The following CNNM2 variants were observed in gnomAD, a reference collection of about 807,000 sequenced individuals.
CNNM2 encodes the protein cyclin and CBS domain divalent metal cation transport mediator 2.
CNNM2 carries 12 observed loss-of-function variants against 66.9 expected under a neutral mutation model. The observed-to-expected ratio is 0.18, with a 90% CI of 0.11 to 0.29. CNNM2 has a LOEUF of 0.29. CNNM2 is among the 10% of genes least tolerant of loss of function. The probability of loss-of-function intolerance (pLI) is 1.00; values close to 1 mark genes in which losing one functional copy is unlikely to be tolerated. For synonymous variants in CNNM2, 557 were observed against 501.8 expected, an observed-to-expected ratio of 1.11 and a Z score of -1.47; for missense variants, 705 against 1,167.7, an observed-to-expected ratio of 0.60 and a Z score of 5.77.
Position 102,919,854 on chromosome 10 carries a change from G to C in CNNM2, c.1374G>C (p.Met458Ile). Reference protein sequence around the residue: ...DVMTPLRDCFMITGEAILDFN... With the variant: ...DVMTPLRDCFIITGEAILDFN... Reference sequence around the variant, plus strand: ...TGACCCCACTCCGGGACTGCTTCATGATCACCGGCGAAGCCATCCTGGACT... The same window carrying C: ...TGACCCCACTCCGGGACTGCTTCATCATCACCGGCGAAGCCATCCTGGACT... Residue 458 changes from methionine to isoleucine, a missense_variant, in exon 1 of 8, where the codon ATG becomes ATC. Physicochemically the swap from Met to Ile is conservative, Grantham distance 10. Transcript: ENST00000369878. 6.2e-7 allele frequency: 1 copy of C among 1,614,206 alleles called. No homozygotes were observed. Among genetic ancestry groups the C allele is most frequent in the Non-Finnish European group, 8.5e-7 (1 of 1,180,044 alleles).
At chr10:102,964,840 G>A (rs1327405944) in intron 1 of CNNM2, among the ~76,000 whole-genome samples, 1 of 152,216 alleles carries the variant, frequency 6.6e-6, no homozygotes, top group Non-Finnish European at 1.5e-5. Flanking sequence ...AAACTTAATG[G>A]CTAACGTGAT....
Position 103,077,288 on chromosome 10 carries a change from G to A in CNNM2, c.*108G>A. 4.1e-6 allele frequency: 4 copies of A among 975,146 alleles called. No individual in the cohort carries two copies. In the South Asian group the frequency reaches 6.2e-5, roughly 15 times the overall value. The allele number at this position is 975,146 out of a possible 1,614,324, so 60.4% of individuals were successfully genotyped here. A position where few individuals can be genotyped will look rare whatever the true frequency, so the allele number is the denominator to read the frequency against. On this transcript the variant is annotated 3_prime_UTR_variant, in exon 8 of 8. Transcript: ENST00000369878. ...GAGCTTGTCCGCCATGCTGTACCCT[G>A]CAACATCCTGAGACCAAAGACCTTG...
intron 1 of CNNM2, among the ~76,000 whole-genome samples, chr10:102,958,477 T>G (rs1208885278): frequency 3.9e-5 from 5 of 128,724 alleles, no homozygotes; most frequent in East Asian, 2.2e-4. Flanking sequence ...TTTTTTTTTT[T>G]TTTTTTTTTT....
At position 102,924,787 on chromosome 10, in the gene CNNM2, G is replaced by A. The variant is rs78821730; in HGVS notation, c.1621+4686G>A. Among the ~76,000 whole-genome samples the A allele has an allele frequency of 0.095, 14,374 of 151,984 alleles. 878 individuals carry two copies. Among genetic ancestry groups the A allele is most frequent in the East Asian group, 0.28 (1,435 of 5,168 alleles). On this transcript the variant is annotated intron_variant, in intron 1 of 7. Coordinates refer to ENST00000369878, the MANE Select transcript of CNNM2 (RefSeq NM_017649.5). Reference sequence around the variant, plus strand: ...GCCTGGCCAGAAGATGTTTTTATTAGTGTTTAAAGGTATGAATGGTGTCAC... The same window carrying A: ...GCCTGGCCAGAAGATGTTTTTATTAATGTTTAAAGGTATGAATGGTGTCAC...
intron 1 of CNNM2, among the ~76,000 whole-genome samples, chr10:102,985,606 A>G (rs1242295874): frequency 1.3e-5 from 2 of 152,178 alleles, no homozygotes; most frequent in Non-Finnish European, 2.9e-5. Flanking sequence ...CTTTCTAGCC[A>G]TCAAGTCTCC....
At chr10:103,067,747 C>G (rs1191790243) in intron 4 of CNNM2, among the ~76,000 whole-genome samples, 1 of 152,068 alleles carries the variant, frequency 6.6e-6, no homozygotes, top group Non-Finnish European at 1.5e-5. Context: ...AAGAACTCAT[C>G]AAGGTAAAGA....
intron 6 of CNNM2, among the ~76,000 whole-genome samples, chr10:103,074,971 C>A (rs914382411): frequency 6.6e-6 from 1 of 152,138 alleles, no homozygotes; most frequent in Non-Finnish European, 1.5e-5. Flanking sequence ...AGAGAAGAGA[C>A]TTAAGGAGAC....
Position 103,054,418 on chromosome 10 carries a change from A to G in CNNM2, c.1855A>G (p.Lys619Glu), listed in dbSNP as rs746718154. Reference protein sequence around the residue: ...FKQTDSEMKVKISPQLLLAMH... With the variant: ...FKQTDSEMKVEISPQLLLAMH... Reference sequence around the variant, plus strand: ...GCAGACAGACAGTGAGATGAAGGTTAAAATATCACCACAGCTCCTCCTGGC... The same window carrying G: ...GCAGACAGACAGTGAGATGAAGGTTGAAATATCACCACAGCTCCTCCTGGC... Residue 619 changes from lysine (K) to glutamate (E), a missense_variant, in exon 3 of 8, where the codon AAA becomes GAA. Transcript: ENST00000369878. The surrounding 1 kb of genome is among the most constrained non-coding windows in gnomAD (Gnocchi z 5.2). 1.2e-6 allele frequency: 2 copies of G among 1,613,900 alleles called. No homozygotes were observed. Among genetic ancestry groups the G allele is most frequent in the Non-Finnish European group, 1.7e-6 (2 of 1,179,864 alleles).
At chr10:103,044,028 G>A (rs1173587379) in intron 1 of CNNM2, among the ~76,000 whole-genome samples, 1 of 152,120 alleles carries the variant, frequency 6.6e-6, no homozygotes, top group Non-Finnish European at 1.5e-5. Flanking sequence ...TGCTTTATTT[G>A]ATCTATATGC....
intron 1 of CNNM2, among the ~76,000 whole-genome samples, chr10:102,974,591 A>T (rs1331959800): frequency 6.6e-6 from 1 of 151,336 alleles, no homozygotes; most frequent in African/African-American, 2.4e-5. Context: ...TTTTTTTTTG[A>T]GACAGGGTCT....
intron 1 of CNNM2, chr10:102,927,510 G>A (rs1223814082): frequency 1.2e-5 from 18 of 1,538,832 alleles, no homozygotes; most frequent in East Asian, 2.3e-5. Flanking sequence ...CTGTAATCCC[G>A]GCACTTTGGG....
At chr10:103,006,927 T>C (rs558722286) in intron 1 of CNNM2, among the ~76,000 whole-genome samples, 15 of 152,208 alleles carry the variant, frequency 9.9e-5, no homozygotes, top group Non-Finnish European at 1.9e-4. Context: ...CCTCCACCCC[T>C]GGCCCATTTA....
chr10:102,934,109 A>G (rs959726165), intron 1 of CNNM2, among the ~76,000 whole-genome samples: 1 of 149,862 alleles, frequency 6.7e-6, no homozygotes, highest in African/African-American at 2.5e-5. Context: ...CTCCCAAAAC[A>G]CTGGGATTAC....
chr10:103,038,398 G>A (rs1266813121), intron 1 of CNNM2, among the ~76,000 whole-genome samples: 1 of 152,200 alleles, frequency 6.6e-6, no homozygotes, highest in African/African-American at 2.4e-5. Context: ...CACTAATGGA[G>A]AGGACTTGTC....
chr10:102,969,284 A>C (rs2063513952), intron 1 of CNNM2, among the ~76,000 whole-genome samples: 1 of 151,314 alleles, frequency 6.6e-6, no homozygotes, highest in Admixed American at 6.6e-5. Flanking sequence ...GGCAATCTCA[A>C]CTCACTGAAA....
At chr10:103,027,772 T>G (rs1017151783) in intron 1 of CNNM2, among the ~76,000 whole-genome samples, 1 of 152,204 alleles carries the variant, frequency 6.6e-6, no homozygotes, top group Non-Finnish European at 1.5e-5. Context: ...CATGAGAAAG[T>G]TCATCAGTAA....
At chr10:102,968,542 G>A (rs1332592201) in intron 1 of CNNM2, among the ~76,000 whole-genome samples, 1 of 151,506 alleles carries the variant, frequency 6.6e-6, no homozygotes, top group Admixed American at 6.6e-5. Context: ...ACCCAACCTG[G>A]TTATTTTCCA....
intron 1 of CNNM2, among the ~76,000 whole-genome samples, chr10:102,933,567 A>G (rs1846131834): frequency 1.3e-5 from 2 of 152,156 alleles, no homozygotes; most frequent in Non-Finnish European, 2.9e-5. Context: ...GTTATCTTAC[A>G]TTTACTTCTT....
At chr10:102,928,014 G>A (rs1397729633) in intron 1 of CNNM2, among the ~76,000 whole-genome samples, 1 of 152,160 alleles carries the variant, frequency 6.6e-6, no homozygotes, top group Non-Finnish European at 1.5e-5. Flanking sequence ...TTAATGCAAA[G>A]GTTAAGAACA....
Sources: allele counts gnomAD v4.1 joint callset (sites outside exome capture counted in the v4.1 genomes callset), GRCh38; gene constraint gnomAD v4.1.1; non-coding constraint Gnocchi (gnomAD v3.1); transcripts MANE v1.5; gene names NCBI Gene and HGNC (gene_info 2026-07-23, HGNC 2026-07-21).